ATP2C1: variants seen among roughly 807,000 people sequenced by gnomAD.
ATP2C1 encodes the protein calcium-transporting ATPase type 2C member 1.
Under a neutral mutation model 120.5 loss-of-function variants are expected in ATP2C1, and 31 were observed. That is an observed-to-expected ratio of 0.26 (90% CI 0.19 to 0.35). The LOEUF (loss-of-function observed/expected upper bound fraction) is 0.35. Among genes scored for constraint, ATP2C1 ranks in the 10% least tolerant of loss-of-function variants. The pLI is 1.00. For missense variants in ATP2C1, 731 were observed against 1,107.5 expected (o/e 0.66, Z 4.83); for synonymous variants, 351 against 358.7 (o/e 0.98, Z 0.24).
chr3:130,940,745 T>C, intron 7 of ATP2C1, 54 bp downstream of exon 7: 7 of 1,281,514 alleles, frequency 5.5e-6, no homozygotes, highest in Non-Finnish European at 8.0e-6. Flanking sequence ...AGAAGTTGAA[T>C]GTGACTAGTA....
At chr3:130,923,582 T>A (rs1308436772) in intron 2 of ATP2C1, among the ~76,000 whole-genome samples, 3 of 151,828 alleles carry the variant, frequency 2.0e-5, no homozygotes, top group African/African-American at 7.3e-5. Context: ...AATAACTACT[T>A]CTAGGCCGGA....
chr3:130,985,589 T>G (rs2061966647), intron 20 of ATP2C1, among the ~76,000 whole-genome samples: 1 of 151,870 alleles, frequency 6.6e-6, no homozygotes, highest in Non-Finnish European at 1.5e-5. Flanking sequence ...GAGCTGAGAT[T>G]GCACCAGTGC....
intron 17 of ATP2C1, among the ~76,000 whole-genome samples, chr3:130,974,160 A>G (rs1347636477): frequency 3.9e-5 from 6 of 152,234 alleles, no homozygotes; most frequent in Non-Finnish European, 7.3e-5. Flanking sequence ...TTTAGGAAGA[A>G]TGAATGATAG....
rs115367862 is a variant in ATP2C1 at position 130,937,144 on chromosome 3, A to G, written c.325-284A>G. Among the ~76,000 whole-genome samples the G allele has an allele frequency of 7.4e-3, 1,133 of 152,324 alleles. 13 individuals are homozygous for G. The highest frequency in any genetic ancestry group is 0.025 in the African/African-American group (1,059 of 41,564). On this transcript the variant is annotated intron_variant, in intron 5 of 27. Transcript: ENST00000510168. ...AGTTGAAAAATTTGATATGGTAAATATCAGTATATATAACCCACTTAAAAG... is the reference window on the plus strand; with the variant it reads ...AGTTGAAAAATTTGATATGGTAAATGTCAGTATATATAACCCACTTAAAAG...
At chr3:130,995,246 C>A (rs963185550) in intron 22 of ATP2C1, among the ~76,000 whole-genome samples, 1 of 151,876 alleles carries the variant, frequency 6.6e-6, no homozygotes, top group Non-Finnish European at 1.5e-5. Context: ...AAACCCATCT[C>A]TCCAAACAAT....
At chr3:130,981,156 G>A (rs974145448) in intron 20 of ATP2C1, among the ~76,000 whole-genome samples, 1 of 152,148 alleles carries the variant, frequency 6.6e-6, no homozygotes, top group Non-Finnish European at 1.5e-5. Context: ...ATATAGAACA[G>A]TTCCATCATC....
At position 131,001,247 on chromosome 3, in the gene ATP2C1, C is replaced by T. The variant is rs1232805247; in HGVS notation, c.2657C>T (p.Ser886Leu). ...CTGTTGTTTCTTTTGGGTCTCACCT[C>T]ATCAGTGTGCATAGTGGCAGAAATT... ...LDLLFLLGLT[S>L]SVCIVAEIIK... Residue 886 changes from serine to leucine, a missense_variant, in exon 28 of 28, where the codon TCA (serine) becomes TTA (leucine). Ser to Leu is a moderately radical substitution (Grantham distance 145, BLOSUM62 -2). Around this residue, in one of 3 missense-constraint regions of ATP2C1, gnomAD observed 141 missense variants for 201.6 expected, o/e 0.70. Coordinates refer to ENST00000510168, the MANE Select transcript of ATP2C1 (RefSeq NM_001378687.1). The T allele has an allele frequency of 6.2e-7, 1 of 1,613,576 alleles. No homozygotes were observed. Among genetic ancestry groups the T allele is most frequent in the Admixed American group, 1.7e-5 (1 of 59,986 alleles).
At chr3:130,904,559 A>G (rs191302704) in intron 2 of ATP2C1, among the ~76,000 whole-genome samples, 1 of 152,134 alleles carries the variant, frequency 6.6e-6, no homozygotes, top group East Asian at 1.9e-4. Flanking sequence ...GTAATAATAA[A>G]TGTTCATTTT....
chr3:130,864,584 G>A (rs1179878118), intron 1 of ATP2C1, among the ~76,000 whole-genome samples: 1 of 152,210 alleles, frequency 6.6e-6, no homozygotes, highest in African/African-American at 2.4e-5. Context: ...CAGGCCTGGA[G>A]GCCTGTGGTT....
intron 13 of ATP2C1, among the ~76,000 whole-genome samples, 167 bp downstream of exon 13, chr3:130,964,262 C>A (rs2060953729): frequency 1.3e-5 from 2 of 152,008 alleles, no homozygotes; most frequent in Non-Finnish European, 2.9e-5. Flanking sequence ...TTAAAAATTC[C>A]TATCCCTTAG....
At chr3:130,869,389 C>T (rs1439462832) in intron 1 of ATP2C1, 2 of 135,886 alleles carry the variant, frequency 1.5e-5, no homozygotes, top group African/African-American at 3.0e-5. Context: ...CCTGCCAAAT[C>T]CCCCTCTGCG....
At chr3:130,857,794 A>T (rs555617874) in intron 1 of ATP2C1, among the ~76,000 whole-genome samples, 1 of 152,218 alleles carries the variant, frequency 6.6e-6, no homozygotes, top group Non-Finnish European at 1.5e-5. Flanking sequence ...ATTTGCATAT[A>T]TGATGGGGAG....
intron 26 of ATP2C1, among the ~76,000 whole-genome samples, chr3:131,015,644 C>T (rs2063585028): frequency 6.6e-6 from 1 of 152,060 alleles, no homozygotes; most frequent in Non-Finnish European, 1.5e-5. Context: ...TGTTTTTGTC[C>T]CTACACCCTA....
chr3:130,903,076 A>G (rs950067929), intron 2 of ATP2C1, among the ~76,000 whole-genome samples: 1 of 152,090 alleles, frequency 6.6e-6, no homozygotes, highest in Non-Finnish European at 1.5e-5. Context: ...CATCTATAGA[A>G]TGGAATTACT....
intron 11 of ATP2C1, among the ~76,000 whole-genome samples, chr3:130,959,027 CTGTG>C (rs139972639): frequency 8.6e-5 from 13 of 151,296 alleles, no homozygotes. Context: ...AAAAGTAAAA[CTGTG>C]TGTGTGTGTG....
At chr3:130,891,232 TA>T (rs1256543306), upstream of ATP2C1, among the ~76,000 whole-genome samples, 2 of 152,212 alleles carry the variant, frequency 1.3e-5, no homozygotes, top group African/African-American at 4.8e-5. Flanking sequence ...GGAAAGATTT[TA>T]AAATAATTTT....
At chr3:130,909,154 G>T (rs369478289) in intron 2 of ATP2C1, among the ~76,000 whole-genome samples, 46 of 152,252 alleles carry the variant, frequency 3.0e-4, no homozygotes, top group Middle Eastern at 3.4e-3. Context: ...CTTAACAAAG[G>T]TTACTGATAC....
chr3:130,953,280 A>C (rs2108545083), intron 8 of ATP2C1, among the ~76,000 whole-genome samples: 1 of 152,300 alleles, frequency 6.6e-6, no homozygotes, highest in Middle Eastern at 3.4e-3. Flanking sequence ...GCATGAAAGC[A>C]TTTGTATACA....
At chr3:130,941,458 T>A in intron 7 of ATP2C1, 133 bp from the exon 8 acceptor site, 2 of 703,284 alleles carry the variant, frequency 2.8e-6, no homozygotes. Flanking sequence ...GCATCTTAAG[T>A]GTTTAGAAAC....
Sources: allele counts gnomAD v4.1 joint callset (sites outside exome capture counted in the v4.1 genomes callset), GRCh38; gene constraint gnomAD v4.1.1; regional missense constraint gnomAD v4.1.1; transcripts MANE v1.5; gene names NCBI Gene and HGNC (gene_info 2026-07-23, HGNC 2026-07-21).